The following CALN1 variants were observed in gnomAD, a reference collection of about 807,000 sequenced individuals.
CALN1 encodes the protein calneuron 1.
A neutral mutation model predicts 30.6 loss-of-function variants in CALN1; 17 were observed. The observed-to-expected ratio is 0.56, with a 90% confidence interval of 0.38 to 0.83. The LOEUF is 0.83. CALN1 is among the 40% of genes least tolerant of loss of function. The pLI is 0.00. For missense variants in CALN1, 291 were observed against 354.9 expected (o/e 0.82, Z 1.45); for synonymous variants, 156 against 131.4 (o/e 1.19, Z -1.28).
At chr7:72,484,150 T>A in the CALN1 span, among the ~76,000 whole-genome samples, 1 of 152,220 alleles carries the variant, frequency 6.6e-6, no homozygotes, top group Admixed American at 6.5e-5. Flanking sequence ...TTCTTCTCAT[T>A]ATGGGTCATA....
intron 5 of CALN1, among the ~76,000 whole-genome samples, chr7:71,932,588 C>T (rs3932774): frequency 0.014 from 2,189 of 151,970 alleles, 100 homozygotes; most frequent in Admixed American, 0.077. Context: ...CCGAGGCGGG[C>T]GGATCACAAC....
chr7:72,350,432 A>G (rs1335323540), intron 2 of CALN1, among the ~76,000 whole-genome samples: 1 of 152,244 alleles, frequency 6.6e-6, no homozygotes, highest in Non-Finnish European at 1.5e-5. Flanking sequence ...CATACACACC[A>G]TGGAATACTA....
intron 2 of CALN1, among the ~76,000 whole-genome samples, chr7:72,283,260 C>T (rs1340685399): frequency 6.6e-6 from 1 of 152,076 alleles, no homozygotes; most frequent in Non-Finnish European, 1.5e-5. Context: ...CATGGTGGCT[C>T]ACATCTATAA....
chr7:72,204,155 AT>A (rs34607350), intron 3 of CALN1, among the ~76,000 whole-genome samples: 199 of 141,654 alleles, frequency 1.4e-3, no homozygotes, highest in East Asian at 1.7e-3. Context: ...CACCTGGCTA[AT>A]TTTTTTTTTT....
intron 2 of CALN1, among the ~76,000 whole-genome samples, chr7:72,362,938 TC>T (rs1372421385): frequency 1.3e-5 from 2 of 152,190 alleles, no homozygotes; most frequent in African/African-American, 4.8e-5. Flanking sequence ...CAGGCACCTG[TC>T]CCGTCACAGG....
At chr7:72,308,874 T>C (rs1274291888) in intron 2 of CALN1, among the ~76,000 whole-genome samples, 2 of 152,208 alleles carry the variant, frequency 1.3e-5, no homozygotes, top group Non-Finnish European at 2.9e-5. Flanking sequence ...CTGGCATGTA[T>C]GCAAGTACCA....
At chr7:72,150,356 C>G (rs1467500934) in intron 3 of CALN1, among the ~76,000 whole-genome samples, 1 of 152,132 alleles carries the variant, frequency 6.6e-6, no homozygotes, top group African/African-American at 2.4e-5. Flanking sequence ...ATTGAAGAAG[C>G]CAGGCAAGGT....
chr7:72,158,939 G>T (rs1787909962), intron 3 of CALN1, among the ~76,000 whole-genome samples: 1 of 152,086 alleles, frequency 6.6e-6, no homozygotes, highest in Admixed American at 6.6e-5. Flanking sequence ...TGCAACCTCT[G>T]CCTCCCAGGT....
intron 5 of CALN1, among the ~76,000 whole-genome samples, chr7:71,851,542 A>G (rs950315347): frequency 1.3e-5 from 2 of 151,756 alleles, no homozygotes; most frequent in African/African-American, 4.8e-5. Flanking sequence ...CAGTATATAT[A>G]TACATATATA....
rs1288515521 is a variant in CALN1 at position 72,198,165 on chromosome 7, AGAAG to A, written c.244+80517_244+80520del. On this transcript the variant is annotated intron_variant, in intron 3 of 6. Coordinates refer to ENST00000395275, the MANE Select transcript of CALN1 (RefSeq NM_031468.4). ...AATGTTTAATGCAAGCAACATGCTTAGAAGGAAGAGGAGGAAGAATTTGTCTGAG... is the reference window on the plus strand; with the variant it reads ...AATGTTTAATGCAAGCAACATGCTTAGAAGAGGAGGAAGAATTTGTCTGAG... 5.9e-5 allele frequency among the ~76,000 whole-genome samples: 9 copies of A among 152,362 alleles called. No individual in the cohort carries two copies. In the East Asian group the frequency reaches 1.5e-3, roughly 26 times the overall value.
At chr7:72,337,518 C>T (rs1286527574) in intron 2 of CALN1, 2 of 155,852 alleles carry the variant, frequency 1.3e-5, no homozygotes, top group African/African-American at 4.8e-5. Flanking sequence ...TCCTTCCTTC[C>T]CTTCCCAAAG....
chr7:71,832,632 G>A (rs561576632), intron 5 of CALN1, among the ~76,000 whole-genome samples: 1 of 152,064 alleles, frequency 6.6e-6, no homozygotes, highest in South Asian at 2.1e-4. Context: ...AGACAGTCTT[G>A]CTCTGTCGCC....
chr7:72,156,721 A>T (rs1787707454), intron 3 of CALN1, among the ~76,000 whole-genome samples: 1 of 152,212 alleles, frequency 6.6e-6, no homozygotes, highest in Non-Finnish European at 1.5e-5. Context: ...TTCTGTTTGT[A>T]TCATAATCTC....
chr7:72,276,092 G>A (rs1377405275), intron 3 of CALN1, among the ~76,000 whole-genome samples: 1 of 152,178 alleles, frequency 6.6e-6, no homozygotes, highest in Non-Finnish European at 1.5e-5. Flanking sequence ...AACTCCATTT[G>A]GTTAGTGATT....
At position 72,405,717 on chromosome 7, in the gene CALN1, C is replaced by CA. The variant is rs10599244; in HGVS notation, c.-73-2276dup. Among the ~76,000 whole-genome samples the CA allele has an allele frequency of 8.1e-3, 1,180 of 145,004 alleles. 11 individuals carry two copies. Among genetic ancestry groups the CA allele is most frequent in the Middle Eastern group, 0.021 (6 of 280 alleles). ...CAAGTGTGTCATTACAGTAGAAACG[C>CA]AAAAAAAAAAAATGACATTTTATTT... On this transcript the variant is annotated intron_variant, in intron 1 of 6. Transcript: ENST00000395275.
chr7:72,343,989 T>A (rs1802498305), intron 2 of CALN1, among the ~76,000 whole-genome samples: 1 of 152,232 alleles, frequency 6.6e-6, no homozygotes, highest in Non-Finnish European at 1.5e-5. Flanking sequence ...CTCAGCAGCT[T>A]TGCAGGAGAC....
rs1290196706 is a variant in CALN1 at position 72,113,845 on chromosome 7, A to G, written c.245-7551T>C. Among the ~76,000 whole-genome samples the G allele has an allele frequency of 2.6e-5, 4 of 152,092 alleles. No homozygotes were observed. The South Asian group carries it at 6.2e-4, about 24-fold the overall frequency. Reference sequence around the variant, plus strand: ...GGAGCTCCCAGTGGTTTTAAAATATATATTTTTTAAGGGTGAGATTTTTAG... The same window carrying G: ...GGAGCTCCCAGTGGTTTTAAAATATGTATTTTTTAAGGGTGAGATTTTTAG... On this transcript the variant is annotated intron_variant, in intron 3 of 6. Coordinates refer to ENST00000395275, the MANE Select transcript of CALN1 (RefSeq NM_031468.4).
intron 3 of CALN1, among the ~76,000 whole-genome samples, chr7:72,173,157 T>C (rs1043525027): frequency 1.3e-5 from 2 of 152,020 alleles, no homozygotes; most frequent in African/African-American, 2.4e-5. Context: ...TGTACTTCTA[T>C]ATAGGAGCAG....
intron 5 of CALN1, among the ~76,000 whole-genome samples, chr7:71,863,610 C>T (rs1484937014): frequency 8.3e-6 from 1 of 120,308 alleles, no homozygotes; most frequent in Non-Finnish European, 1.8e-5. Flanking sequence ...AACAACAAAA[C>T]ACCCATACAA....
Sources: allele counts gnomAD v4.1 joint callset (sites outside exome capture counted in the v4.1 genomes callset), GRCh38; gene constraint gnomAD v4.1.1; transcripts MANE v1.5; gene names NCBI Gene and HGNC (gene_info 2026-07-23, HGNC 2026-07-21).